Variants in TAS2R9 observed in about 807,000 individuals in gnomAD.
TAS2R9 encodes taste receptor type 2 member 9.
For missense variants in TAS2R9, 406 were observed against 363.6 expected, an observed-to-expected ratio of 1.12 and a Z score of -0.95; for synonymous variants, 158 against 134.2, an observed-to-expected ratio of 1.18 and a Z score of -1.23.
the TAS2R9 span, chr12:10,810,021 TG>T: frequency 7.4e-6 from 12 of 1,613,500 alleles, no homozygotes; most frequent in African/African-American, 1.6e-4. Context: ...CAAATCCCTA[TG>T]GTCAATTCAC....
chr12:10,809,341 G>T, the TAS2R9 span: 7 of 1,613,508 alleles, frequency 4.3e-6, no homozygotes, highest in African/African-American at 1.3e-5. Flanking sequence ...GAAAGACTGG[G>T]TAGTACACGA....
In TAS2R9 at chr12:10,809,523, G is replaced by A. The variant is rs752911951; in HGVS notation, c.553C>T (p.Leu185=). 32 of 1,613,266 alleles carry A rather than the reference G, an allele frequency of 2.0e-5. No homozygotes were observed. The highest frequency in any genetic ancestry group is 2.7e-5 in the African/African-American group (2 of 74,800). ...PGTFKQLTLN[L]GVMVPFILCL... The stretch of plus-strand genomic sequence containing the variant: ...AGGATAAAGGGAACCATCACCCCCA[G>A]GTTCAGGGTTAACTGTTTGAAAGTA... The change falls in exon 1 of 1, where the codon CTG becomes TTG. Residue 185 remains leucine (L), a synonymous_variant. Transcript: ENST00000240691.
At position 10,809,680 on chromosome 12, in the gene TAS2R9, C is replaced by G; in HGVS notation, c.396G>C (p.Ala132=). Residue 132 remains alanine, a synonymous_variant, in exon 1 of 1, where the codon GCG becomes GCC. Transcript: ENST00000240691. ...LKLKINKVML[A]ILLGSFLISL... ...AGATAAGAAAGGACCCCAGAAGAAT[C>G]GCAAGCATGACCTTGTTGATCTTTA... The G allele has an allele frequency of 6.2e-7, 1 of 1,613,508 alleles. No individual in the cohort carries two copies. The highest frequency in any genetic ancestry group is 8.5e-7 in the Non-Finnish European group (1 of 1,179,816).
Position 10,809,174 on chromosome 12 carries a change from T to C in TAS2R9, c.902A>G (p.Lys301Arg), listed in dbSNP as rs769243493. The change falls in exon 1 of 1, where the codon AAG (lysine) becomes AGG (arginine). Residue 301 changes from lysine (K) to arginine (R), a missense_variant. Physicochemically the swap from Lys to Arg is conservative, Grantham distance 26. Transcript: ENST00000240691. ...AGGCTTTCTTCTTCTAAGGAAACAC[T>C]TCACAAATCTTAACATCTTCAGAAA... ...EAFLKMLRFV[K>R]CFLRRRKPFV... 9 of 1,613,032 alleles carry C rather than the reference T, an allele frequency of 5.6e-6. No homozygotes were observed. The highest frequency in any genetic ancestry group is 1.7e-4 in the Middle Eastern group (1 of 6,010).
chr12:10,809,151 G>A lies in TAS2R9; in HGVS notation c.925C>T (p.Pro309Ser). Residue 309 changes from proline to serine, a missense_variant, in exon 1 of 1, where the codon CCT (proline) becomes TCT (serine). Coordinates refer to ENST00000240691, the MANE Select transcript of TAS2R9 (RefSeq NM_023917.2). ...TTTAGGGGTCTCTATGGAACAAAAG[G>A]CTTTCTTCTTCTAAGGAAACACTTC... ...FVKCFLRRRK[P>S]FVP 6.2e-7 allele frequency: 1 copy of A among 1,609,316 alleles called. No homozygotes were observed. The highest frequency in any genetic ancestry group is 8.5e-7 in the Non-Finnish European group (1 of 1,177,690).
At position 10,810,162 on chromosome 12, in the gene TAS2R9, C is replaced by T; in HGVS notation, c.-87G>A. 8.0e-7 allele frequency: 1 copy of T among 1,248,196 alleles called. No homozygotes were observed. Among genetic ancestry groups the T allele is most frequent in the Non-Finnish European group, 1.1e-6 (1 of 887,222 alleles). 77.3% of individuals were successfully genotyped at this position (1,248,196 alleles called of 1,614,324 possible). On this transcript the variant is annotated 5_prime_UTR_variant, in exon 1 of 1. Coordinates refer to ENST00000240691, the MANE Select transcript of TAS2R9 (RefSeq NM_023917.2). ...TGAAGAACAATGTATCTGTCTGCCT[C>T]TTAGACCATGATATAGTTGTCTTTA...
At position 10,809,181 on chromosome 12, in the gene TAS2R9, A is replaced by T. The variant is rs1211905166; in HGVS notation, c.895T>A (p.Phe299Ile). 1.2e-6 allele frequency: 2 copies of T among 1,613,320 alleles called. No individual in the cohort carries two copies. Among genetic ancestry groups the T allele is most frequent in the Non-Finnish European group, 1.7e-6 (2 of 1,179,602 alleles). Residue 299 changes from phenylalanine (F) to isoleucine (I), a missense_variant, in exon 1 of 1, where the codon TTT becomes ATT. Transcript: ENST00000240691. Reference protein sequence around the residue: ...LREAFLKMLRFVKCFLRRRKP... With the variant: ...LREAFLKMLRIVKCFLRRRKP... ...CTTCTTCTAAGGAAACACTTCACAA[A>T]TCTTAACATCTTCAGAAAAGCTTCC...
In TAS2R9 at chr12:10,809,832, C is replaced by T. The variant is rs779004980; in HGVS notation, c.244G>A (p.Val82Ile). 1 of 1,613,722 alleles carries T rather than the reference C, an allele frequency of 6.2e-7. No homozygotes were observed. The highest frequency in any genetic ancestry group is 2.2e-5 in the East Asian group (1 of 44,844). Residue 82 changes from valine to isoleucine, a missense_variant, in exon 1 of 1, where the codon GTA (valine) becomes ATA (isoleucine). Transcript: ENST00000240691. Reference sequence around the variant, plus strand: ...GTCCAGACAACATTCACAATGCTTACTAGCACGCTATTGCCATATGTACCT... The same window carrying T: ...GTCCAGACAACATTCACAATGCTTATTAGCACGCTATTGCCATATGTACCT... ...FPGTYGNSVL[V>I]SIVNVVWTFA... is the part of the protein sequence containing the mutation.
Position 10,809,715 on chromosome 12 carries a change from A to G in TAS2R9, c.361T>C (p.Trp121Arg). ...IANISHPFFF[W>R]LKLKINKVML... ...ACCTTGTTGATCTTTAGCTTCAGCCAGAAGAAAAATGGGTGCGATATATTG... is the reference window on the plus strand; with the variant it reads ...ACCTTGTTGATCTTTAGCTTCAGCCGGAAGAAAAATGGGTGCGATATATTG... Residue 121 changes from tryptophan to arginine, a missense_variant, in exon 1 of 1, where the codon TGG becomes CGG. Transcript: ENST00000240691. 1 of 1,613,604 alleles carries G rather than the reference A, an allele frequency of 6.2e-7. No individual in the cohort carries two copies. The highest frequency in any genetic ancestry group is 8.5e-7 in the Non-Finnish European group (1 of 1,179,836).
rs745341984 is a variant in TAS2R9 at position 10,809,291 on chromosome 12, A to G, written c.785T>C (p.Leu262Ser). The change falls in exon 1 of 1, where the codon TTA becomes TCA. Residue 262 changes from leucine to serine, a missense_variant. By Grantham distance (145) the Leu-to-Ser change is moderately radical. Coordinates refer to ENST00000240691, the MANE Select transcript of TAS2R9 (RefSeq NM_023917.2). ...TSSALIPQGKLVLMIGDIVTV... is the reference protein window; with the variant it reads ...TSSALIPQGKSVLMIGDIVTV... ...TACTATGTCACCAATCATCAACACTAATTTTCCCTGAGGAATCAGAGCGCT... is the reference window on the plus strand; with the variant it reads ...TACTATGTCACCAATCATCAACACTGATTTTCCCTGAGGAATCAGAGCGCT... 5 of 1,613,564 alleles carry G rather than the reference A, an allele frequency of 3.1e-6. No individual in the cohort carries two copies. Among genetic ancestry groups the G allele is most frequent in the Non-Finnish European group, 4.2e-6 (5 of 1,179,812 alleles).
chr12:10,809,490 T>A lies in TAS2R9; in HGVS notation c.586A>T (p.Ile196Phe). The change falls in exon 1 of 1, where the codon ATC becomes TTC. Residue 196 changes from isoleucine to phenylalanine, a missense_variant. Physicochemically the swap from Ile to Phe is conservative, Grantham distance 21 (BLOSUM62 0). Coordinates refer to ENST00000240691, the MANE Select transcript of TAS2R9 (RefSeq NM_023917.2). Reference protein sequence around the residue: ...GVMVPFILCLISFFLLLFSLV... With the variant: ...GVMVPFILCLFSFFLLLFSLV... ...GAGAAAAGTAACAAGAAAAATGAGA[T>A]CAGGCAAAGGATAAAGGGAACCATC... 1.2e-6 allele frequency: 2 copies of A among 1,613,364 alleles called. No homozygotes were observed. Among genetic ancestry groups the A allele is most frequent in the Middle Eastern group, 1.7e-4 (1 of 6,056 alleles).
chr12:10,809,441 A>T lies in TAS2R9; in HGVS notation c.635T>A (p.Ile212Asn). 1 of 1,613,512 alleles carries T rather than the reference A, an allele frequency of 6.2e-7. No individual in the cohort carries two copies. Among genetic ancestry groups the T allele is most frequent in the Non-Finnish European group, 8.5e-7 (1 of 1,179,808 alleles). The stretch of plus-strand genomic sequence containing the variant: ...TCTGAACCCTGTAGCATGCAGTCGA[A>T]TCTGCTTGGTGTGTCTAACTAGGGA... ...LFSLVRHTKQ[I>N]RLHATGFRDP... is the part of the protein sequence containing the mutation. Residue 212 changes from isoleucine (I) to asparagine (N), a missense_variant, in exon 1 of 1, where the codon ATT becomes AAT. Physicochemically the swap from Ile to Asn is moderately radical, Grantham distance 149 (BLOSUM62 -3). Transcript: ENST00000240691.
Position 10,810,089 on chromosome 12 carries a change from T to A in TAS2R9, c.-14A>T. 6.3e-7 allele frequency: 1 copy of A among 1,593,502 alleles called. No homozygotes were observed. The highest frequency in any genetic ancestry group is 8.5e-7 in the Non-Finnish European group (1 of 1,169,814). On this transcript the variant is annotated 5_prime_UTR_variant, in exon 1 of 1. Coordinates refer to ENST00000240691, the MANE Select transcript of TAS2R9 (RefSeq NM_023917.2). ...TGCACTTGGCATGCCAGCAAAGACT[T>A]GTGATTTTTGAATATCACTGATGAT... is the stretch of plus-strand genomic sequence containing the variant.
rs1296435264 is a variant in TAS2R9 at position 10,809,259 on chromosome 12, T to C, written c.817A>G (p.Ile273Val). Residue 273 changes from isoleucine to valine, a missense_variant, in exon 1 of 1, where the codon ATT (isoleucine) becomes GTT (valine). Ile to Val is a conservative substitution (Grantham distance 29). Coordinates refer to ENST00000240691, the MANE Select transcript of TAS2R9 (RefSeq NM_023917.2). ...VLMIGDIVTV[I>V]FPSSHSFILI... ...ATGAATGAATGGCTTGATGGGAAAATGACAGTTACTATGTCACCAATCATC... is the reference window on the plus strand; with the variant it reads ...ATGAATGAATGGCTTGATGGGAAAACGACAGTTACTATGTCACCAATCATC... 2 of 1,613,660 alleles carry C rather than the reference T, an allele frequency of 1.2e-6. No individual in the cohort carries two copies. Among genetic ancestry groups the C allele is most frequent in the Admixed American group, 1.7e-5 (1 of 59,874 alleles).
chr12:10,810,009 C>G lies in TAS2R9; in HGVS notation c.67G>C (p.Gly23Arg), dbSNP rs1948757301. The change falls in exon 1 of 1, where the codon GGA (glycine) becomes CGA (arginine). Residue 23 changes from glycine to arginine, a missense_variant. Coordinates refer to ENST00000240691, the MANE Select transcript of TAS2R9 (RefSeq NM_023917.2). ...TTAACTAGTACAATGAATCCATTTC[C>G]CCAAATCCCTATGGTCAATTCACCA... is the stretch of plus-strand genomic sequence containing the variant. ...IAGELTIGIW[G>R]NGFIVLVNCI... 1 of 1,613,404 alleles carries G rather than the reference C, an allele frequency of 6.2e-7. No homozygotes were observed. Among genetic ancestry groups the G allele is most frequent in the Admixed American group, 1.7e-5 (1 of 59,898 alleles).
chr12:10,809,657 A>G lies in TAS2R9; in HGVS notation c.419T>C (p.Ile140Thr), dbSNP rs1391709062. ...MLAILLGSFL[I>T]SLIISVPKND... The stretch of plus-strand genomic sequence containing the variant: ...CTTTGGAACACTAATAATTAAAGAG[A>G]TAAGAAAGGACCCCAGAAGAATCGC... Residue 140 changes from isoleucine (I) to threonine (T), a missense_variant, in exon 1 of 1, where the codon ATC becomes ACC. Ile to Thr is a moderately conservative substitution (Grantham distance 89). Transcript: ENST00000240691. 115 of 1,613,646 alleles carry G rather than the reference A, an allele frequency of 7.1e-5. No homozygotes were observed. Among genetic ancestry groups the G allele is most frequent in the Non-Finnish European group, 9.7e-5 (115 of 1,179,822 alleles).
At position 10,809,791 on chromosome 12, in the gene TAS2R9, T is replaced by C. The variant is rs763752516; in HGVS notation, c.285A>G (p.Ser95=). Residue 95 remains serine, a synonymous_variant, in exon 1 of 1, where the codon TCA becomes TCG. Coordinates refer to ENST00000240691, the MANE Select transcript of TAS2R9 (RefSeq NM_023917.2). The part of the protein sequence containing the change: ...VNVVWTFANN[S]SLWFTSCLSI... ...TGAGGCAAGAAGTAAACCAGAGACT[T>C]GAATTATTGGCAAATGTCCAGACAA... The C allele has an allele frequency of 1.9e-6, 3 of 1,613,632 alleles. No homozygotes were observed. In the South Asian group the frequency reaches 3.3e-5, roughly 18 times the overall value.
At position 10,810,131 on chromosome 12, in the gene TAS2R9, G is replaced by T; in HGVS notation, c.-56C>A. 6.7e-7 allele frequency: 1 copy of T among 1,487,930 alleles called. No individual in the cohort carries two copies. Among genetic ancestry groups the T allele is most frequent in the South Asian group, 1.3e-5 (1 of 79,006 alleles). The allele number at this position is 1,487,930 out of a possible 1,614,324, so 92.2% of individuals were successfully genotyped here. A position where few individuals can be genotyped will look rare whatever the true frequency, so the allele number is the denominator to read the frequency against. On this transcript the variant is annotated 5_prime_UTR_variant, in exon 1 of 1. Coordinates refer to ENST00000240691, the MANE Select transcript of TAS2R9 (RefSeq NM_023917.2). ...ACTGATGATGAATTGACTTTCAGCT[G>T]ACCAGTGAAGAACAATGTATCTGTC...
chr12:10,809,806 T>C lies in TAS2R9; in HGVS notation c.270A>G (p.Thr90=). The change falls in exon 1 of 1, where the codon ACA becomes ACG. Residue 90 remains threonine, a synonymous_variant. Coordinates refer to ENST00000240691, the MANE Select transcript of TAS2R9 (RefSeq NM_023917.2). ...ACCAGAGACTTGAATTATTGGCAAA[T>C]GTCCAGACAACATTCACAATGCTTA... The part of the protein sequence containing the change: ...VLVSIVNVVW[T]FANNSSLWFT... The C allele has an allele frequency of 6.2e-7, 1 of 1,613,668 alleles. No individual in the cohort carries two copies. The highest frequency in any genetic ancestry group is 8.5e-7 in the Non-Finnish European group (1 of 1,179,830).
Sources: allele counts gnomAD v4.1 joint callset, GRCh38; gene constraint gnomAD v4.1.1; transcripts MANE v1.5; gene names NCBI Gene and HGNC (gene_info 2026-07-23, HGNC 2026-07-21).